Variants in LRRFIP2 observed in about 807,000 individuals in gnomAD.
LRRFIP2 encodes leucine-rich repeat flightless-interacting protein 2.
LRRFIP2 carries 109 observed loss-of-function variants against 125.9 expected under a neutral mutation model. The ratio of observed to expected loss-of-function variants is 0.87; its 90% CI spans 0.74 to 1.01. The LOEUF (loss-of-function observed/expected upper bound fraction) is 1.01. Among genes scored for constraint, LRRFIP2 ranks in the 50% least tolerant of loss-of-function variants. LRRFIP2 has a pLI of 0.00. For missense variants in LRRFIP2, 850 were observed against 862.3 expected (o/e 0.99, Z 0.18); for synonymous variants, 291 against 293.1 (o/e 0.99, Z 0.07).
intron 2 of LRRFIP2, among the ~76,000 whole-genome samples, chr3:37,136,140 G>A (rs552211169): frequency 4.6e-5 from 7 of 152,302 alleles, no homozygotes; most frequent in African/African-American, 1.7e-4. Flanking sequence ...GATGCAACAT[G>A]AATGAACCTT....
intron 18 of LRRFIP2, among the ~76,000 whole-genome samples, chr3:37,089,416 G>A (rs1379638287): frequency 6.6e-6 from 1 of 152,092 alleles, no homozygotes; most frequent in African/African-American, 2.4e-5. Context: ...GCATCCCAAA[G>A]GCAAACATAA....
intron 24 of LRRFIP2, among the ~76,000 whole-genome samples, chr3:37,061,578 A>G (rs2088741537): frequency 6.6e-6 from 1 of 151,598 alleles, no homozygotes. Context: ...TTTTTAGTAG[A>G]GTTGGGGTTT....
At chr3:37,163,486 T>C (rs2096398531) in intron 1 of LRRFIP2, among the ~76,000 whole-genome samples, 1 of 152,190 alleles carries the variant, frequency 6.6e-6, no homozygotes, top group African/African-American at 2.4e-5. Context: ...GCCAGCCAGA[T>C]GCAGGAAATT....
At chr3:37,099,709 G>T (rs950475542) in intron 15 of LRRFIP2, among the ~76,000 whole-genome samples, 4 of 152,078 alleles carry the variant, frequency 2.6e-5, no homozygotes, top group African/African-American at 9.7e-5. Context: ...ATTTACATTT[G>T]TTTGCTTTAT....
chr3:37,153,735 A>G (rs1223023393), intron 1 of LRRFIP2, among the ~76,000 whole-genome samples: 1 of 152,218 alleles, frequency 6.6e-6, no homozygotes, highest in African/African-American at 2.4e-5. Flanking sequence ...GATGACAGGA[A>G]AAAGCAGCAC....
intron 18 of LRRFIP2, 29 bp from the exon 19 acceptor site, chr3:37,083,835 T>A: frequency 6.5e-7 from 1 of 1,530,266 alleles, no homozygotes; most frequent in East Asian, 2.4e-5. Flanking sequence ...ATCAGTCTGA[T>A]ATCTAAAATG....
In LRRFIP2 at chr3:37,129,112, G is replaced by A. The variant is rs1333824804; in HGVS notation, c.128C>T (p.Ala43Val). 11 of 1,613,946 alleles carry A rather than the reference G, an allele frequency of 6.8e-6. No individual in the cohort carries two copies. In the South Asian group the frequency reaches 1.2e-4, roughly 18 times the overall value. The change falls in exon 3 of 28, where the codon GCA becomes GTA. Residue 43 changes from alanine (A) to valine (V), a missense_variant. Transcript: ENST00000336686. Reference protein sequence around the residue: ...ARLAAKRAARAEARDIRMREL... With the variant: ...ARLAAKRAARVEARDIRMREL... ...TCTCATGCGTATATCTCTTGCTTCT[G>A]CCCGGGCAGCCCGTTTTGCTGCCAG...
upstream of LRRFIP2, chr3:37,175,346 CTAACAGT>C (rs1409095519): frequency 6.6e-6 from 1 of 152,202 alleles, no homozygotes. Context: ...AAACCAGCTA[CTAACAGT>C]TAAGGTTTAG....
At position 37,059,773 on chromosome 3, in the gene LRRFIP2, G is replaced by A. The variant is rs562087491; in HGVS notation, c.1750-863C>T. Among the ~76,000 whole-genome samples the A allele has an allele frequency of 1.3e-3, 190 of 148,200 alleles. 1 individual carries two copies. Among genetic ancestry groups the A allele is most frequent in the African/African-American group, 4.5e-3 (178 of 39,932 alleles). ...CTGCACTCCAGCCTGGTGACAGAGCGAGACTCTGTCTCAAAAAAAAAAAAA... is the reference window on the plus strand; with the variant it reads ...CTGCACTCCAGCCTGGTGACAGAGCAAGACTCTGTCTCAAAAAAAAAAAAA... On this transcript the variant is annotated intron_variant, in intron 24 of 27. Coordinates refer to ENST00000336686, the MANE Select transcript of LRRFIP2 (RefSeq NM_006309.4).
chr3:37,136,716 T>C (rs1482596029), intron 2 of LRRFIP2, among the ~76,000 whole-genome samples: 1 of 152,038 alleles, frequency 6.6e-6, no homozygotes, highest in African/African-American at 2.4e-5. Flanking sequence ...AAATAAACCC[T>C]AAATGATACT....
At chr3:37,144,796 TA>T (rs1414090857) in intron 2 of LRRFIP2, among the ~76,000 whole-genome samples, 5 of 152,182 alleles carry the variant, frequency 3.3e-5, no homozygotes, top group African/African-American at 1.2e-4. Flanking sequence ...TTCCATAACA[TA>T]AAACCTATGC....
At chr3:37,149,077 T>C in intron 1 of LRRFIP2, 39 bp from the exon 2 acceptor site, 1 of 1,511,302 alleles carries the variant, frequency 6.6e-7, no homozygotes, top group Non-Finnish European at 8.9e-7. Context: ...AGGTATTTCT[T>C]TGTGCAATTT....
chr3:37,133,068 G>T (rs2095470610), intron 2 of LRRFIP2, among the ~76,000 whole-genome samples: 1 of 151,668 alleles, frequency 6.6e-6, no homozygotes, highest in East Asian at 1.9e-4. Context: ...TACTAAAAAT[G>T]GAAAAAATTA....
intron 19 of LRRFIP2, among the ~76,000 whole-genome samples, chr3:37,082,364 C>G (rs1345933145): frequency 6.6e-6 from 1 of 152,158 alleles, no homozygotes; most frequent in African/African-American, 2.4e-5. Flanking sequence ...CCTAAATAAA[C>G]AATTTTAGAG....
intron 20 of LRRFIP2, among the ~76,000 whole-genome samples, chr3:37,074,469 G>A (rs2091743099): frequency 6.6e-6 from 1 of 152,214 alleles, no homozygotes; most frequent in African/African-American, 2.4e-5. Flanking sequence ...CTGCAAGGAT[G>A]ACTAATGTTT....
At chr3:37,062,964 G>A (rs941046732) in intron 24 of LRRFIP2, among the ~76,000 whole-genome samples, 7 of 152,112 alleles carry the variant, frequency 4.6e-5, no homozygotes, top group African/African-American at 1.7e-4. Context: ...TCTATGTACC[G>A]AGAGGGCAAG....
At chr3:37,130,248 G>A (rs1332482096) in intron 2 of LRRFIP2, among the ~76,000 whole-genome samples, 2 of 152,136 alleles carry the variant, frequency 1.3e-5, no homozygotes, top group Non-Finnish European at 2.9e-5. Context: ...CTTGCTTACA[G>A]TTACCTCCAA....
intron 19 of LRRFIP2, among the ~76,000 whole-genome samples, chr3:37,077,610 G>C (rs956980991): frequency 3.3e-5 from 5 of 152,112 alleles, no homozygotes; most frequent in African/African-American, 1.2e-4. Context: ...GGAGAAAATA[G>C]AGACAGAGAC....
rs77305717 is a variant in LRRFIP2, at chr3:37,130,807, T to C, written c.91-1658A>G. On this transcript the variant is annotated intron_variant, in intron 2 of 27. Transcript: ENST00000336686. ...AAGAGTAATTCTGACAATTCAGGTA[T>C]GCCAAAGAGAAGCCACACAGTGCTT... 9.1e-3 allele frequency among the ~76,000 whole-genome samples: 1,385 copies of C among 152,274 alleles called. 25 individuals are homozygous for C. Among genetic ancestry groups the C allele is most frequent in the African/African-American group, 0.032 (1,322 of 41,554 alleles).
Sources: allele counts gnomAD v4.1 joint callset (sites outside exome capture counted in the v4.1 genomes callset), GRCh38; gene constraint gnomAD v4.1.1; transcripts MANE v1.5; gene names NCBI Gene and HGNC (gene_info 2026-07-23, HGNC 2026-07-21).